Variants in REN observed in about 807,000 individuals in gnomAD.
The protein encoded by REN is angiotensin-forming enzyme.
A neutral mutation model predicts 48.6 loss-of-function variants in REN; 42 were observed. The observed-to-expected ratio is 0.86, with a 90% CI of 0.68 to 1.12. REN has a LOEUF of 1.12. Among genes scored for constraint, REN ranks in the 50% most tolerant of loss-of-function variants. REN has a pLI of 0.00. For synonymous variants in REN, 196 were observed against 204.6 expected, an observed-to-expected ratio of 0.96 and a Z score of 0.36; for missense variants, 443 against 527.3, an observed-to-expected ratio of 0.84 and a Z score of 1.57.
intron 1 of REN, among the ~76,000 whole-genome samples, chr1:204,165,041 G>A (rs998483221): frequency 8.6e-5 from 13 of 150,850 alleles, no homozygotes; most frequent in Admixed American, 4.6e-4. Context: ...GCGCTATGTC[G>A]GCTCACTGCA....
intron 8 of REN, 54 bp from the exon 9 acceptor site, chr1:204,155,972 C>T: frequency 5.3e-6 from 8 of 1,511,598 alleles, no homozygotes; most frequent in Non-Finnish European, 7.3e-6. Context: ...TCTCAGCAGA[C>T]AAGGAGTCCT....
At chr1:204,161,578 A>G (rs1468620042) in intron 2 of REN, among the ~76,000 whole-genome samples, 163 bp from the exon 3 acceptor site, 3 of 152,004 alleles carry the variant, frequency 2.0e-5, no homozygotes. Context: ...GAGGCTTAGC[A>G]TCTCCCCATG....
chr1:204,157,362 C>G lies in REN; in HGVS notation c.697G>C (p.Glu233Gln). The change falls in exon 6 of 10, where the codon GAG becomes CAG. Residue 233 changes from glutamate (E) to glutamine (Q), a missense_variant and splice_region_variant. Transcript: ENST00000272190. ...VFSFYYNRDS[E>Q]NSQSLGGQIV... is the part of the protein sequence containing the mutation. ...CATGTGGGGGTTTTGTCTCCTTACT[C>G]GGAATCTCTGCAGAGAAAGAGAGAC... is the stretch of plus-strand genomic sequence containing the variant. 1 of 1,614,212 alleles carries G rather than the reference C, an allele frequency of 6.2e-7. No homozygotes were observed.
chr1:204,166,314 C>T lies in REN; in HGVS notation c.-21G>A. On this transcript the variant is annotated 5_prime_UTR_variant, in exon 1 of 10. Coordinates refer to ENST00000272190, the MANE Select transcript of REN (RefSeq NM_000537.4). ...TCCATGCTTCCCTCAGTCTGGGGCT[C>T]TCTCTGAGATCCACTGAGGTTCTGT... 6.2e-7 allele frequency: 1 copy of T among 1,608,576 alleles called. No individual in the cohort carries two copies. Among genetic ancestry groups the T allele is most frequent in the Non-Finnish European group, 8.5e-7 (1 of 1,174,926 alleles).
At position 204,162,192 on chromosome 1, in the gene REN, G is replaced by C. The variant is rs771338552; in HGVS notation, c.99-29C>G. 1.9e-6 allele frequency: 3 copies of C among 1,613,004 alleles called. No homozygotes were observed. In the South Asian group the frequency reaches 3.3e-5, roughly 18 times the overall value. On this transcript the variant is annotated intron_variant, in intron 1 of 9. Coordinates refer to ENST00000272190, the MANE Select transcript of REN (RefSeq NM_000537.4). ...GCCCAGGGTGGAGGAAGCAAAAATA[G>C]AAAAGTGCTGTACCTCCACCACAGT...
intron 5 of REN, among the ~76,000 whole-genome samples, chr1:204,158,099 A>ACCCCCCCCC (rs60405376): frequency 2.1e-5 from 3 of 142,972 alleles, no homozygotes; most frequent in Non-Finnish European, 3.0e-5. Context: ...TCTGGATCTC[A>ACCCCCCCCC]CCCCCCACGC....
intron 2 of REN, 107 bp from the exon 3 acceptor site, chr1:204,161,522 G>C (rs989097753): frequency 8.9e-7 from 1 of 1,119,604 alleles, no homozygotes; most frequent in Non-Finnish European, 1.2e-6. Flanking sequence ...CCCAGGCGAG[G>C]TCCTATAGCC....
rs563099661 is a variant in REN at position 204,155,739 on chromosome 1, T to C, written c.1059+81A>G. On this transcript the variant is annotated intron_variant, in intron 9 of 9. Coordinates refer to ENST00000272190, the MANE Select transcript of REN (RefSeq NM_000537.4). ...TGAGAACTACAGTTCTAACATGACC[T>C]GTGCATTGTAATCTGTCACTCTTTG... 3.8e-6 allele frequency: 4 copies of C among 1,065,230 alleles called. No homozygotes were observed. In the African/African-American group the frequency reaches 4.6e-5, roughly 12 times the overall value. The allele number at this position is 1,065,230 out of a possible 1,614,324, so 66.0% of individuals were successfully genotyped here. A position where few individuals can be genotyped will look rare whatever the true frequency, so the allele number is the denominator to read the frequency against.
chr1:204,160,628 C>T lies in REN; in HGVS notation c.424G>A (p.Gly142Arg). ...GAATAGCGGAGGGTGAGTTCTGTTC[C>T]ATTGTGCTTGTAGCTGGAGGAATCC... ...ASDSSSYKHN[G>R]TELTLRYSTG... The change falls in exon 4 of 10, where the codon GGA (glycine) becomes AGA (arginine). Residue 142 changes from glycine (G) to arginine (R), a missense_variant. Transcript: ENST00000272190. 2 of 1,614,174 alleles carry T rather than the reference C, an allele frequency of 1.2e-6. No individual in the cohort carries two copies. The highest frequency in any genetic ancestry group is 1.7e-6 in the Non-Finnish European group (2 of 1,180,022).
rs752426689 is a variant in REN at position 204,156,185 on chromosome 1, A to C, written c.953T>G (p.Leu318Arg). The change falls in exon 8 of 10, where the codon CTG becomes CGG. Residue 318 changes from leucine to arginine, a missense_variant. Leu to Arg is a moderately radical substitution (Grantham distance 102). Coordinates refer to ENST00000272190, the MANE Select transcript of REN (RefSeq NM_000537.4). This position sits in a 1 kb window ranked among gnomAD's most constrained non-coding sequence, Gnocchi z 4.2. ...LMEALGAKKRLFDYVVKCNEG... is the reference protein window; with the variant it reads ...LMEALGAKKRRFDYVVKCNEG... Reference sequence around the variant, plus strand: ...CCCTCTTTGGCTTCTTACATCAAACAGCCTCTTCTTGGCTCCCAAGGCCTC... The same window carrying C: ...CCCTCTTTGGCTTCTTACATCAAACCGCCTCTTCTTGGCTCCCAAGGCCTC... 6.2e-7 allele frequency: 1 copy of C among 1,614,190 alleles called. No homozygotes were observed. The highest frequency in any genetic ancestry group is 2.2e-5 in the East Asian group (1 of 44,880).
rs1456036182 is a variant in REN, at chr1:204,166,260, G to T, written c.34C>A (p.Leu12Met). 2 of 1,614,222 alleles carry T rather than the reference G, an allele frequency of 1.2e-6. No homozygotes were observed. Among genetic ancestry groups the T allele is most frequent in the South Asian group, 2.2e-5 (2 of 91,082 alleles). Residue 12 changes from leucine (L) to methionine (M), a missense_variant, in exon 1 of 10, where the codon CTG becomes ATG. Physicochemically the swap from Leu to Met is conservative, Grantham distance 15. Transcript: ENST00000272190. ...DGWRRMPRWG[L>M]LLLLWGSCTF... ...CAGGAGCCCCAGAGCAGCAGCAGCAGTCCCCAGCGAGGCATCCTTCTCCAT... is the reference window on the plus strand; with the variant it reads ...CAGGAGCCCCAGAGCAGCAGCAGCATTCCCCAGCGAGGCATCCTTCTCCAT...
In REN at chr1:204,161,287, C is replaced by G; in HGVS notation, c.373+5G>C. The G allele has an allele frequency of 6.3e-7, 1 of 1,598,400 alleles. No individual in the cohort carries two copies. Among genetic ancestry groups the G allele is most frequent in the Non-Finnish European group, 8.5e-7 (1 of 1,172,064 alleles). ...AGGAGAGGCACTGTGGGTCTTAGGTCTCACCACAGGCAGTGTAGAGACGGC... is the reference window on the plus strand; with the variant it reads ...AGGAGAGGCACTGTGGGTCTTAGGTGTCACCACAGGCAGTGTAGAGACGGC... On this transcript the variant is annotated splice_donor_5th_base_variant and intron_variant, in intron 3 of 9. Coordinates refer to ENST00000272190, the MANE Select transcript of REN (RefSeq NM_000537.4).
intron 1 of REN, among the ~76,000 whole-genome samples, chr1:204,165,132 C>T (rs192225369): frequency 3.9e-5 from 6 of 152,186 alleles, no homozygotes; most frequent in East Asian, 1.9e-4. Flanking sequence ...CCACCACGCC[C>T]GGCTAATTTT....
At chr1:204,159,356 C>T (rs773466357) in intron 5 of REN, 43 bp downstream of exon 5, 3 of 1,574,740 alleles carry the variant, frequency 1.9e-6, no homozygotes, top group South Asian at 2.2e-5. Flanking sequence ...TCTCTTCTCC[C>T]CTCCTGTCCC....
At chr1:204,161,978 C>T (rs1350720016) in intron 2 of REN, 35 bp downstream of exon 2, 1 of 1,612,290 alleles carries the variant, frequency 6.2e-7, no homozygotes, top group East Asian at 2.2e-5. Flanking sequence ...GGAAAGGAGA[C>T]AGGGAGGGAG....
intron 5 of REN, among the ~76,000 whole-genome samples, chr1:204,158,569 A>T (rs537221157): frequency 6.6e-6 from 1 of 152,098 alleles, no homozygotes; most frequent in South Asian, 2.1e-4. Flanking sequence ...GGCATGAGCC[A>T]CTGCACCCAG....
At chr1:204,161,773 G>T (rs1390589883) in intron 2 of REN, among the ~76,000 whole-genome samples, 2 of 152,098 alleles carry the variant, frequency 1.3e-5, no homozygotes, top group African/African-American at 4.8e-5. Flanking sequence ...GTGACACCTG[G>T]CTTGAGGCCT....
At position 204,155,859 on chromosome 1, in the gene REN, G is replaced by T. The variant is rs1482718810; in HGVS notation, c.1020C>A (p.Gly340=). The T allele has an allele frequency of 6.2e-7, 1 of 1,614,082 alleles. No individual in the cohort carries two copies. ...TLPDISFHLG[G]KEYTLTSADY... ...CCGCGCTGGTGAGCGTGTATTCTTTGCCTCCCAGGTGGAAAGAGATGTCGG... is the reference window on the plus strand; with the variant it reads ...CCGCGCTGGTGAGCGTGTATTCTTTTCCTCCCAGGTGGAAAGAGATGTCGG... The change falls in exon 9 of 10, where the codon GGC becomes GGA. Residue 340 remains glycine, a synonymous_variant. Transcript: ENST00000272190.
intron 1 of REN, among the ~76,000 whole-genome samples, chr1:204,165,683 C>T (rs1358606783): frequency 6.6e-6 from 1 of 152,004 alleles, no homozygotes; most frequent in Non-Finnish European, 1.5e-5. Flanking sequence ...CTCCACCTTC[C>T]GGGCTCAAAC....
Sources: allele counts gnomAD v4.1 joint callset (sites outside exome capture counted in the v4.1 genomes callset), GRCh38; gene constraint gnomAD v4.1.1; non-coding constraint Gnocchi (gnomAD v3.1); transcripts MANE v1.5; gene names NCBI Gene and HGNC (gene_info 2026-07-23, HGNC 2026-07-21).